WDR72: variants seen among roughly 807,000 people sequenced by gnomAD.
WDR72 encodes WD repeat domain 72, also known as WD repeat-containing protein 72.
Under a neutral mutation model 124.2 loss-of-function variants are expected in WDR72, and 120 were observed. The observed-to-expected ratio is 0.97, with a 90% CI of 0.83 to 1.12. WDR72 has a LOEUF of 1.12. Ranked by LOEUF, WDR72 falls within the 50% of genes most tolerant of loss-of-function variation. The pLI is 0.00. For missense variants in WDR72, 1,387 were observed against 1,278.8 expected (o/e 1.08, Z -1.29); for synonymous variants, 452 against 441.7 (o/e 1.02, Z -0.29).
intron 14 of WDR72, among the ~76,000 whole-genome samples, chr15:53,629,223 A>C (rs1316972504): frequency 6.6e-6 from 1 of 152,062 alleles, no homozygotes; most frequent in African/African-American, 2.4e-5. Context: ...TGAGAGAGAG[A>C]GAGAGAGACA....
At chr15:53,682,073 G>C (rs1268648294) in intron 13 of WDR72, among the ~76,000 whole-genome samples, 1 of 152,086 alleles carries the variant, frequency 6.6e-6, no homozygotes, top group African/African-American at 2.4e-5. Flanking sequence ...TTTGTTGACA[G>C]CCTTTCAATG....
At chr15:53,701,711 A>C (rs545241803) in intron 12 of WDR72, among the ~76,000 whole-genome samples, 21 of 152,242 alleles carry the variant, frequency 1.4e-4, no homozygotes, top group African/African-American at 5.1e-4. Flanking sequence ...GCAAAATGGA[A>C]GTTATTGAAG....
At chr15:53,582,139 C>T (rs1385207412) in intron 18 of WDR72, among the ~76,000 whole-genome samples, 1 of 151,946 alleles carries the variant, frequency 6.6e-6, no homozygotes, top group Non-Finnish European at 1.5e-5. Context: ...ATTGCAGTTT[C>T]ATTCTTACAT....
intron 18 of WDR72, among the ~76,000 whole-genome samples, chr15:53,543,946 C>A (rs1225518432): frequency 6.6e-6 from 1 of 152,016 alleles, no homozygotes; most frequent in African/African-American, 2.4e-5. Flanking sequence ...ATACACTCTC[C>A]CAAGACTGAA....
chr15:53,562,263 A>G (rs1408712897), intron 18 of WDR72, among the ~76,000 whole-genome samples: 1 of 151,790 alleles, frequency 6.6e-6, no homozygotes, highest in Non-Finnish European at 1.5e-5. Flanking sequence ...TACTTTGCAT[A>G]TTCAATTCTT....
At chr15:53,676,966 G>A (rs1197149866) in intron 13 of WDR72, among the ~76,000 whole-genome samples, 1 of 149,692 alleles carries the variant, frequency 6.7e-6, no homozygotes, top group Non-Finnish European at 1.5e-5. Context: ...GGTCGCCCAG[G>A]CTGGAGTGCA....
At chr15:53,710,348 T>C (rs1320843284) in intron 9 of WDR72, among the ~76,000 whole-genome samples, 3 of 149,608 alleles carry the variant, frequency 2.0e-5, no homozygotes, top group Non-Finnish European at 4.5e-5. Context: ...TATGTGTTTG[T>C]ACGTATACAC....
At chr15:53,676,607 T>C (rs690409) in intron 13 of WDR72, among the ~76,000 whole-genome samples, 14,534 of 152,180 alleles carry the variant, frequency 0.096, 1,851 homozygotes, top group African/African-American at 0.29. Flanking sequence ...AGAACTAAAT[T>C]CTGCCAAGGA....
At chr15:53,697,069 A>T (rs1256536860) in intron 13 of WDR72, among the ~76,000 whole-genome samples, 2 of 152,262 alleles carry the variant, frequency 1.3e-5, no homozygotes, top group African/African-American at 4.8e-5. Context: ...ATAGACAACC[A>T]AAAGATGAAC....
chr15:53,616,298 ATTCCATGATG>A, intron 14 of WDR72, 55 bp from the exon 15 acceptor site: 1 of 1,455,868 alleles, frequency 6.9e-7, no homozygotes. Flanking sequence ...TTTATTAAAG[ATTCCATGATG>A]TTAAAGTGGC....
chr15:53,605,236 G>A (rs1383318783), intron 17 of WDR72, among the ~76,000 whole-genome samples: 1 of 152,142 alleles, frequency 6.6e-6, no homozygotes, highest in African/African-American at 2.4e-5. Context: ...AACTGACACA[G>A]GAACAGAAAA....
chr15:53,710,845 T>C lies in WDR72; in HGVS notation c.954+12A>G. The C allele has an allele frequency of 6.3e-7, 1 of 1,599,984 alleles. No homozygotes were observed. The highest frequency in any genetic ancestry group is 1.1e-5 in the South Asian group (1 of 90,776). On this transcript the variant is annotated intron_variant, in intron 9 of 19. Transcript: ENST00000360509. Reference sequence around the variant, plus strand: ...AAACAGCTTTGAGGCAGTCACTCTTTTCTTGCATTACCTTATTTTCCTGCA... The same window carrying C: ...AAACAGCTTTGAGGCAGTCACTCTTCTCTTGCATTACCTTATTTTCCTGCA...
chr15:53,595,961 T>G (rs1300862464), intron 18 of WDR72, among the ~76,000 whole-genome samples: 1 of 152,146 alleles, frequency 6.6e-6, no homozygotes, highest in Non-Finnish European at 1.5e-5. Context: ...TTCTACCTGT[T>G]TTGATCTCTG....
At chr15:53,619,820 C>A (rs2013917428) in intron 14 of WDR72, among the ~76,000 whole-genome samples, 1 of 151,998 alleles carries the variant, frequency 6.6e-6, no homozygotes, top group African/African-American at 2.4e-5. Flanking sequence ...CTGTAAATTT[C>A]TTGTTAATTC....
intron 17 of WDR72, 149 bp downstream of exon 17, chr15:53,609,364 C>A: frequency 1.4e-6 from 1 of 707,326 alleles, no homozygotes; most frequent in East Asian, 2.8e-5. Flanking sequence ...ATGTTATGGT[C>A]CGTGTTTTCC....
intron 18 of WDR72, among the ~76,000 whole-genome samples, chr15:53,583,160 A>C (rs985737462): frequency 6.6e-6 from 1 of 152,016 alleles, no homozygotes; most frequent in Non-Finnish European, 1.5e-5. Flanking sequence ...TTGTATCATC[A>C]TAGTAAAGCT....
At chr15:53,613,369 T>A (rs749655566) in intron 16 of WDR72, among the ~76,000 whole-genome samples, 1 of 149,320 alleles carries the variant, frequency 6.7e-6, no homozygotes, top group South Asian at 2.1e-4. Context: ...TTGAAATCTA[T>A]GTTTTATAAA....
chr15:53,515,949 G>C lies in WDR72; in HGVS notation c.*1750C>G, dbSNP rs1180304654. On this transcript the variant is annotated 3_prime_UTR_variant, in exon 20 of 20. Transcript: ENST00000360509. ...CATTTGAGAGGACATACACTTATTT[G>C]ATATTGCCATCCTTCAAAATGCTTT... is the stretch of plus-strand genomic sequence containing the variant. 1 of 152,080 alleles carries C rather than the reference G, an allele frequency of 6.6e-6. No individual in the cohort carries two copies. Among genetic ancestry groups the C allele is most frequent in the Non-Finnish European group, 1.5e-5 (1 of 67,992 alleles). 9.4% of individuals were successfully genotyped at this position (152,080 alleles called of 1,614,324 possible).
chr15:53,734,926 A>C (rs1353121537), intron 1 of WDR72, among the ~76,000 whole-genome samples: 1 of 152,092 alleles, frequency 6.6e-6, no homozygotes, highest in Non-Finnish European at 1.5e-5. Flanking sequence ...TTTCCAGGTC[A>C]ATGATACTAT....
Sources: allele counts gnomAD v4.1 joint callset (sites outside exome capture counted in the v4.1 genomes callset), GRCh38; gene constraint gnomAD v4.1.1; transcripts MANE v1.5; gene names NCBI Gene and HGNC (gene_info 2026-07-23, HGNC 2026-07-21).